Variants in CNTN4 observed in about 807,000 individuals in gnomAD.
CNTN4 encodes contactin 4.
A neutral mutation model predicts 122.5 loss-of-function variants in CNTN4; 77 were observed. The ratio of observed to expected loss-of-function variants is 0.63; its 90% CI spans 0.52 to 0.76. The LOEUF (loss-of-function observed/expected upper bound fraction) is 0.76, where lower values mean the gene tolerates loss of function less well. Ranked by LOEUF, CNTN4 falls within the 30% of genes least tolerant of loss-of-function variation. The probability of loss-of-function intolerance (pLI) is 0.00; values close to 1 mark genes in which losing one functional copy is unlikely to be tolerated. For synonymous variants in CNTN4, 512 were observed against 447.0 expected, an observed-to-expected ratio of 1.15 and a Z score of -1.83; for missense variants, 1,256 against 1,259.1, an observed-to-expected ratio of 1.00 and a Z score of 0.04.
chr3:2,738,994 G>C (rs1422982712), intron 5 of CNTN4, among the ~76,000 whole-genome samples: 1 of 152,032 alleles, frequency 6.6e-6, no homozygotes, highest in East Asian at 1.9e-4. Context: ...AAGTATATTT[G>C]TTATGGGTAA....
chr3:2,951,665 C>T (rs1445989097), intron 13 of CNTN4, among the ~76,000 whole-genome samples: 1 of 152,154 alleles, frequency 6.6e-6, no homozygotes, highest in East Asian at 1.9e-4. Context: ...AAAGGTCCTA[C>T]AAGGAAGGTT....
intron 6 of CNTN4, among the ~76,000 whole-genome samples, chr3:2,779,327 T>G (rs915464338): frequency 6.6e-6 from 1 of 152,190 alleles, no homozygotes; most frequent in South Asian, 2.1e-4. Context: ...AGTGCAATGG[T>G]GCGATCTCGG....
At chr3:2,494,126 G>A (rs2076390448) in intron 3 of CNTN4, among the ~76,000 whole-genome samples, 1 of 151,958 alleles carries the variant, frequency 6.6e-6, no homozygotes, top group African/African-American at 2.4e-5. Flanking sequence ...TGATGAAAGA[G>A]AGTCAAACTC....
intron 2 of CNTN4, among the ~76,000 whole-genome samples, chr3:2,136,511 C>G (rs78980627): frequency 6.6e-6 from 1 of 151,990 alleles, no homozygotes; most frequent in Admixed American, 6.6e-5. Flanking sequence ...GATATTCTTC[C>G]ATTCTTGTTT....
chr3:2,615,145 C>A (rs976901919), intron 4 of CNTN4, among the ~76,000 whole-genome samples: 4 of 152,148 alleles, frequency 2.6e-5, no homozygotes, highest in African/African-American at 9.7e-5. Context: ...CAATAAAATT[C>A]TCTGCATTTG....
chr3:2,459,470 C>T (rs923326338), intron 3 of CNTN4, among the ~76,000 whole-genome samples: 3 of 152,104 alleles, frequency 2.0e-5, no homozygotes, highest in Non-Finnish European at 4.4e-5. Context: ...ATTATTCCAT[C>T]TACAGCGCAT....
At chr3:2,253,282 C>A (rs2040445301) in intron 2 of CNTN4, among the ~76,000 whole-genome samples, 2 of 152,010 alleles carry the variant, frequency 1.3e-5, no homozygotes, top group African/African-American at 4.8e-5. Context: ...TATTTTTCTG[C>A]CCATTAGAAT....
At chr3:2,168,743 G>T (rs2036312875) in intron 2 of CNTN4, among the ~76,000 whole-genome samples, 1 of 152,040 alleles carries the variant, frequency 6.6e-6, no homozygotes, top group South Asian at 2.1e-4. Context: ...TAAATTTAAA[G>T]GAGATAGGAC....
chr3:2,445,334 A>G (rs2048585316), intron 3 of CNTN4, among the ~76,000 whole-genome samples: 1 of 152,130 alleles, frequency 6.6e-6, no homozygotes, highest in African/African-American at 2.4e-5. Flanking sequence ...CTCTCTCATA[A>G]TGGGTCACAC....
intron 11 of CNTN4, among the ~76,000 whole-genome samples, chr3:2,901,573 G>A (rs1406306076): frequency 6.6e-6 from 1 of 152,174 alleles, no homozygotes; most frequent in Non-Finnish European, 1.5e-5. Context: ...AATTGCAGGG[G>A]TATAGGTACC....
intron 4 of CNTN4, among the ~76,000 whole-genome samples, chr3:2,633,673 C>T (rs949272424): frequency 1.3e-5 from 2 of 152,210 alleles, no homozygotes; most frequent in Admixed American, 6.5e-5. Flanking sequence ...TCTCCACACT[C>T]ATAGTAGTCC....
chr3:2,231,699 A>G (rs1211716201), intron 2 of CNTN4, among the ~76,000 whole-genome samples: 1 of 152,200 alleles, frequency 6.6e-6, no homozygotes, highest in African/African-American at 2.4e-5. Flanking sequence ...CTTTTTCTTC[A>G]CATATTTTTC....
chr3:2,539,320 G>C (rs1200558936), intron 3 of CNTN4, among the ~76,000 whole-genome samples: 1 of 152,032 alleles, frequency 6.6e-6, no homozygotes, highest in East Asian at 1.9e-4. Flanking sequence ...TTTATCAGGT[G>C]AATGCTTTCG....
chr3:2,237,534 TAA>T (rs999074847), intron 2 of CNTN4, among the ~76,000 whole-genome samples: 14 of 151,972 alleles, frequency 9.2e-5, no homozygotes, highest in Admixed American at 7.2e-4. Context: ...TCTTTGAGAG[TAA>T]AAAGAGAGAG....
At chr3:2,603,305 G>C (rs2081124459) in intron 4 of CNTN4, among the ~76,000 whole-genome samples, 1 of 152,120 alleles carries the variant, frequency 6.6e-6, no homozygotes, top group African/African-American at 2.4e-5. Flanking sequence ...TATACAACAT[G>C]AAATTTTTTC....
intron 4 of CNTN4, among the ~76,000 whole-genome samples, chr3:2,725,789 C>T (rs1047311420): frequency 2.0e-5 from 3 of 152,070 alleles, no homozygotes; most frequent in Non-Finnish European, 4.4e-5. Flanking sequence ...GAAGACCAGT[C>T]TTACTTGTAT....
chr3:2,617,963 G>A (rs1423273741), intron 4 of CNTN4, among the ~76,000 whole-genome samples: 1 of 152,124 alleles, frequency 6.6e-6, no homozygotes, highest in Non-Finnish European at 1.5e-5. Flanking sequence ...TCCAAGAGAT[G>A]GATGATGATT....
chr3:2,719,840 G>A (rs2087731558), intron 4 of CNTN4, among the ~76,000 whole-genome samples: 1 of 152,138 alleles, frequency 6.6e-6, no homozygotes, highest in Non-Finnish European at 1.5e-5. Flanking sequence ...GAAGAACCAG[G>A]TTCTATTATA....
intron 2 of CNTN4, among the ~76,000 whole-genome samples, chr3:2,303,021 C>G (rs938089209): frequency 6.6e-6 from 1 of 152,080 alleles, no homozygotes; most frequent in African/African-American, 2.4e-5. Flanking sequence ...GAGACATTGT[C>G]CTTCACAGTT....
Sources: allele counts gnomAD v4.1 joint callset (sites outside exome capture counted in the v4.1 genomes callset), GRCh38; gene constraint gnomAD v4.1.1; transcripts MANE v1.5; gene names NCBI Gene and HGNC (gene_info 2026-07-23, HGNC 2026-07-21).